Variants in DYM observed in about 807,000 individuals in gnomAD.
DYM encodes dyggve-Melchior-Clausen syndrome protein.
In DYM, 78 loss-of-function variants were observed where a neutral mutation model predicts 93.1. The observed-to-expected ratio is 0.84, with a 90% CI of 0.70 to 1.01. The LOEUF is 1.01. Ranked by LOEUF, DYM falls within the 50% of genes least tolerant of loss-of-function variation. The pLI is 0.00. For synonymous variants in DYM, 321 were observed against 319.7 expected, an observed-to-expected ratio of 1.00 and a Z score of -0.04; for missense variants, 789 against 845.0, an observed-to-expected ratio of 0.93 and a Z score of 0.82.
At chr18:49,232,089 C>T (rs2093711431) in intron 13 of DYM, among the ~76,000 whole-genome samples, 1 of 152,116 alleles carries the variant, frequency 6.6e-6, no homozygotes, top group Admixed American at 6.5e-5. Flanking sequence ...TTTTCATGTT[C>T]CCCTGCCTTT....
intron 8 of DYM, among the ~76,000 whole-genome samples, chr18:49,291,326 TCTA>T (rs1234705745): frequency 6.6e-6 from 1 of 152,232 alleles, no homozygotes; most frequent in East Asian, 1.9e-4. Flanking sequence ...TCTGTTCATT[TCTA>T]ATATTTTGTA....
chr18:49,295,447 C>T (rs1465906756), intron 8 of DYM, among the ~76,000 whole-genome samples: 1 of 152,150 alleles, frequency 6.6e-6, no homozygotes, highest in East Asian at 1.9e-4. Flanking sequence ...CAGGTCATAT[C>T]CTTAAAAGGA....
At chr18:49,212,633 C>T (rs1192328998) in intron 13 of DYM, among the ~76,000 whole-genome samples, 1 of 151,950 alleles carries the variant, frequency 6.6e-6, no homozygotes, top group African/African-American at 2.4e-5. Flanking sequence ...ATAGCTGGAA[C>T]CACAAGTGTG....
At chr18:49,108,801 T>C (rs1342060091) in intron 16 of DYM, among the ~76,000 whole-genome samples, 1 of 152,234 alleles carries the variant, frequency 6.6e-6, no homozygotes, top group Middle Eastern at 3.2e-3. Context: ...TATCAATTAC[T>C]GAGAAAGAAG....
intron 15 of DYM, among the ~76,000 whole-genome samples, chr18:49,151,253 G>A (rs1600166091): frequency 6.6e-6 from 1 of 152,058 alleles, no homozygotes; most frequent in African/African-American, 2.4e-5. Context: ...CATTTATAAG[G>A]TAATTCTCAA....
chr18:49,145,134 T>TATATATATATATATATAAAA (rs1555778609), intron 15 of DYM, among the ~76,000 whole-genome samples: 2 of 79,574 alleles, frequency 2.5e-5, no homozygotes, highest in Non-Finnish European at 5.1e-5. Context: ...TATATATATA[T>TATATATATATATATATAAAA]AATTTATATA....
At chr18:49,286,776 C>G (rs1198402359) in intron 8 of DYM, among the ~76,000 whole-genome samples, 160 bp from the exon 9 acceptor site, 1 of 152,064 alleles carries the variant, frequency 6.6e-6, no homozygotes, top group Non-Finnish European at 1.5e-5. Context: ...AAAATCCTTG[C>G]TATAAAAACT....
chr18:49,292,094 C>T (rs971877132), intron 8 of DYM, among the ~76,000 whole-genome samples: 1 of 152,110 alleles, frequency 6.6e-6, no homozygotes, highest in African/African-American at 2.4e-5. Flanking sequence ...GGATCCTCTT[C>T]ACAGTTGCTC....
intron 2 of DYM, among the ~76,000 whole-genome samples, chr18:49,419,801 G>A (rs1413827015): frequency 6.6e-6 from 1 of 152,042 alleles, no homozygotes; most frequent in Admixed American, 6.6e-5. Context: ...GTCTACTTTA[G>A]TATATTTCAA....
intron 6 of DYM, among the ~76,000 whole-genome samples, chr18:49,349,758 C>A (rs1172897928): frequency 1.3e-5 from 2 of 152,060 alleles, no homozygotes; most frequent in Non-Finnish European, 1.5e-5. Context: ...AAGTTTGAGA[C>A]CAGCCTGGGT....
intron 11 of DYM, 61 bp from the exon 12 acceptor site, chr18:49,258,554 C>T (rs1354575337): frequency 2.9e-6 from 3 of 1,046,860 alleles, no homozygotes; most frequent in African/African-American, 1.6e-5. Flanking sequence ...AAGAATTACT[C>T]CATGTCCACA....
intron 13 of DYM, among the ~76,000 whole-genome samples, chr18:49,254,366 A>T (rs2957173): frequency 1 from 147,940 of 148,516 alleles, 73,686 homozygotes; most frequent in Middle Eastern, 1. Context: ...TGCTACTGAA[A>T]TGCAAGCTGC....
chr18:49,333,922 C>G (rs1159290416), intron 6 of DYM, 69 bp from the exon 7 acceptor site: 3 of 1,465,382 alleles, frequency 2.0e-6, no homozygotes, highest in African/African-American at 1.4e-5. Context: ...TCTAAATGAA[C>G]TATACATTTA....
At chr18:49,220,674 A>C (rs1414202511) in intron 13 of DYM, among the ~76,000 whole-genome samples, 1 of 152,202 alleles carries the variant, frequency 6.6e-6, no homozygotes, top group East Asian at 1.9e-4. Flanking sequence ...CTATTTAATA[A>C]ATGGTGCTGG....
At chr18:49,432,980 A>G (rs1386444242) in intron 1 of DYM, among the ~76,000 whole-genome samples, 1 of 152,160 alleles carries the variant, frequency 6.6e-6, no homozygotes, top group Non-Finnish European at 1.5e-5. Flanking sequence ...ACATTTTCTG[A>G]TTTGCCAAGA....
At chr18:49,115,531 G>T (rs1335944780) in intron 16 of DYM, among the ~76,000 whole-genome samples, 3 of 152,266 alleles carry the variant, frequency 2.0e-5, no homozygotes, top group Non-Finnish European at 2.9e-5. Context: ...TTGGAATGAG[G>T]GAGGTCCAGA....
chr18:49,224,653 G>T (rs2093468572), intron 13 of DYM, among the ~76,000 whole-genome samples: 1 of 151,994 alleles, frequency 6.6e-6, no homozygotes, highest in East Asian at 1.9e-4. Context: ...GAAGACAAGA[G>T]AAAAAACTGC....
At chr18:49,191,663 G>A (rs758136884) in intron 14 of DYM, among the ~76,000 whole-genome samples, 3 of 152,094 alleles carry the variant, frequency 2.0e-5, no homozygotes, top group Admixed American at 1.3e-4. Flanking sequence ...ATTTTAGCCA[G>A]TTTTATAAAT....
At chr18:49,291,070 C>T (rs927084484) in intron 8 of DYM, among the ~76,000 whole-genome samples, 3 of 152,070 alleles carry the variant, frequency 2.0e-5, no homozygotes, top group African/African-American at 7.2e-5. Context: ...CTGATTATAT[C>T]GAGGACCATG....
Sources: gnomAD v4.1 joint callset for allele counts (sites outside exome capture counted in the v4.1 genomes callset) on GRCh38, gnomAD v4.1.1 for gene constraint, MANE v1.5 for transcripts, NCBI Gene and HGNC (gene_info 2026-07-23, HGNC 2026-07-21) for gene names.